Variants in SLFN5 observed in about 807,000 individuals in gnomAD.
SLFN5 encodes the protein schlafen family member 5.
In SLFN5, 34 loss-of-function variants were observed where a neutral mutation model predicts 48.5. That is an observed-to-expected ratio of 0.70 (90% CI 0.53 to 0.93). The LOEUF (loss-of-function observed/expected upper bound fraction) is 0.93. Ranked by LOEUF, SLFN5 falls within the 40% of genes least tolerant of loss-of-function variation. SLFN5 has a pLI of 0.00. For missense variants in SLFN5, 1,006 were observed against 1,071.3 expected, an observed-to-expected ratio of 0.94 and a Z score of 0.85; for synonymous variants, 387 against 396.2, an observed-to-expected ratio of 0.98 and a Z score of 0.28.
At position 35,259,884 on chromosome 17, in the gene SLFN5, T is replaced by C. The variant is rs1299527772; in HGVS notation, c.1012+182T>C. 8 of 710,748 alleles carry C rather than the reference T, an allele frequency of 1.1e-5. No homozygotes were observed. The East Asian group carries it at 2.2e-4, about 20-fold the overall frequency. 44.0% of individuals were successfully genotyped at this position (710,748 alleles called of 1,614,324 possible). A position where few individuals can be genotyped will look rare whatever the true frequency, so the allele number is the denominator to read the frequency against. ...TTCGTGGATTATTGCCCTTCCTTTC[T>C]TCTGCCATCTTAAATAGTCTTCATT... is the stretch of plus-strand genomic sequence containing the variant. On this transcript the variant is annotated intron_variant, in intron 2 of 4. Transcript: ENST00000299977.
At chr17:35,252,217 G>T (rs2092444066) in intron 1 of SLFN5, among the ~76,000 whole-genome samples, 1 of 152,016 alleles carries the variant, frequency 6.6e-6, no homozygotes, top group Non-Finnish European at 1.5e-5. Flanking sequence ...ATTGCTTGAG[G>T]TTATGAGTTT....
Position 35,265,916 on chromosome 17 carries a change from A to G in SLFN5, c.*28A>G. On this transcript the variant is annotated 3_prime_UTR_variant, in exon 5 of 5. Transcript: ENST00000299977. Reference sequence around the variant, plus strand: ...GGAAACCCAAGCCTAAGAAACAATTAAGTGGTTCTCATCTCTAATTAACTG... The same window carrying G: ...GGAAACCCAAGCCTAAGAAACAATTGAGTGGTTCTCATCTCTAATTAACTG... 1 of 1,547,200 alleles carries G rather than the reference A, an allele frequency of 6.5e-7. No homozygotes were observed. The highest frequency in any genetic ancestry group is 1.3e-5 in the South Asian group (1 of 79,854).
In SLFN5 at chr17:35,272,299, G is replaced by A. The variant is rs542742299; in HGVS notation, c.*6411G>A. The A allele has an allele frequency of 6.6e-5, 10 of 152,124 alleles. No individual in the cohort carries two copies. The highest frequency in any genetic ancestry group is 1.5e-4 in the Non-Finnish European group (10 of 68,006). The allele number at this position is 152,124 out of a possible 1,614,324, so 9.4% of individuals were successfully genotyped here. ...TTATATGTTAAATTCAAGTTAATTG[G>A]GGAAAGATGGATTATTCAATATATG... On this transcript the variant is annotated 3_prime_UTR_variant, in exon 5 of 5. Coordinates refer to ENST00000299977, the MANE Select transcript of SLFN5 (RefSeq NM_144975.4).
At chr17:35,253,696 T>G (rs1377879926) in intron 1 of SLFN5, among the ~76,000 whole-genome samples, 5 of 57,750 alleles carry the variant, frequency 8.7e-5, no homozygotes, top group East Asian at 7.7e-4. Context: ...AACAGTTTTT[T>G]TTTTTTTTTT....
rs757103306 is a variant in SLFN5, at chr17:35,264,498, C to A, written c.1454C>A (p.Thr485Asn). The change falls in exon 4 of 5, where the codon ACT becomes AAT. Residue 485 changes from threonine to asparagine, a missense_variant. Coordinates refer to ENST00000299977, the MANE Select transcript of SLFN5 (RefSeq NM_144975.4). ...AAGCTGGTGAACAAAGGCGGCTACA[C>A]TGGGAGGTTATGCATCACCCCCTTG... ...KQKLVNKGGY[T>N]GRLCITPLVC... 1.4e-5 allele frequency: 23 copies of A among 1,614,112 alleles called. No homozygotes were observed. The highest frequency in any genetic ancestry group is 1.9e-5 in the Non-Finnish European group (23 of 1,179,978).
In SLFN5 at chr17:35,267,687, T is replaced by A. The variant is rs1188923155; in HGVS notation, c.*1799T>A. On this transcript the variant is annotated 3_prime_UTR_variant, in exon 5 of 5. Transcript: ENST00000299977. ...GTGAGCTATGATCATACCAGTGCAC[T>A]CCAGTCTGGGTGACAGAACAAGACC... is the stretch of plus-strand genomic sequence containing the variant. 1 of 151,812 alleles carries A rather than the reference T, an allele frequency of 6.6e-6. No individual in the cohort carries two copies. Among genetic ancestry groups the A allele is most frequent in the African/African-American group, 2.4e-5 (1 of 41,276 alleles). The allele number at this position is 151,812 out of a possible 1,614,324, so 9.4% of individuals were successfully genotyped here. A position where few individuals can be genotyped will look rare whatever the true frequency, so the allele number is the denominator to read the frequency against.
chr17:35,260,060 T>C (rs1904476291), intron 2 of SLFN5, among the ~76,000 whole-genome samples: 1 of 152,234 alleles, frequency 6.6e-6, no homozygotes, highest in Non-Finnish European at 1.5e-5. Flanking sequence ...AGGAAATTTC[T>C]TTTTTTCACA....
At chr17:35,246,905 G>GTT (rs1297968970) in intron 1 of SLFN5, among the ~76,000 whole-genome samples, 1 of 152,028 alleles carries the variant, frequency 6.6e-6, no homozygotes, top group Non-Finnish European at 1.5e-5. Flanking sequence ...TGTAAGAAAT[G>GTT]TTTGCCTAAC....
At position 35,265,396 on chromosome 17, in the gene SLFN5, A is replaced by C. The variant is rs752244245; in HGVS notation, c.2184A>C (p.Glu728Asp). 6 of 1,614,132 alleles carry C rather than the reference A, an allele frequency of 3.7e-6. No homozygotes were observed. Among genetic ancestry groups the C allele is most frequent in the Non-Finnish European group, 5.1e-6 (6 of 1,180,058 alleles). Residue 728 changes from glutamate to aspartate, a missense_variant, in exon 5 of 5, where the codon GAA (glutamate) becomes GAC (aspartate). Coordinates refer to ENST00000299977, the MANE Select transcript of SLFN5 (RefSeq NM_144975.4). ...ATTACCTACAACAAGTAATGCAGGA[A>C]GCCCGACAAAATCCTCCACCTAACC... ...IANYLQQVMQ[E>D]ARQNPPPNLP...
At chr17:35,243,701 C>G (rs1010993176) in intron 1 of SLFN5, among the ~76,000 whole-genome samples, 1 of 152,158 alleles carries the variant, frequency 6.6e-6, no homozygotes, top group African/African-American at 2.4e-5. Context: ...CTAACTAGAG[C>G]CCTAGTTGGT....
rs1265020851 is a variant in SLFN5, at chr17:35,259,905, T to G, written c.1012+203T>G. 1.8e-5 allele frequency: 11 copies of G among 626,396 alleles called. No individual in the cohort carries two copies. In the East Asian group the frequency reaches 2.0e-4, roughly 12 times the overall value. The allele number at this position is 626,396 out of a possible 1,614,324, so 38.8% of individuals were successfully genotyped here. On this transcript the variant is annotated intron_variant, in intron 2 of 4. Transcript: ENST00000299977. ...TTTCTTCTGCCATCTTAAATAGTCT[T>G]CATTCAACAGATGCCCTGGCTAGTA... is the stretch of plus-strand genomic sequence containing the variant.
rs979088924 is a variant in SLFN5, at chr17:35,269,563, G to A, written c.*3675G>A. On this transcript the variant is annotated 3_prime_UTR_variant, in exon 5 of 5. Transcript: ENST00000299977. ...AATAAAATGACAAGCTGACCAAATA[G>A]GCCTTAGAAGGGAGAGGTGCCTGGG... is the stretch of plus-strand genomic sequence containing the variant. 1 of 152,158 alleles carries A rather than the reference G, an allele frequency of 6.6e-6. No homozygotes were observed. Among genetic ancestry groups the A allele is most frequent in the Admixed American group, 6.5e-5 (1 of 15,276 alleles). 9.4% of individuals were successfully genotyped at this position (152,158 alleles called of 1,614,324 possible).
chr17:35,270,824 G>A lies in SLFN5; in HGVS notation c.*4936G>A, dbSNP rs555425083. 6.6e-6 allele frequency: 1 copy of A among 152,200 alleles called. No homozygotes were observed. The highest frequency in any genetic ancestry group is 2.1e-4 in the South Asian group (1 of 4,826). The allele number at this position is 152,200 out of a possible 1,614,324, so 9.4% of individuals were successfully genotyped here. A position where few individuals can be genotyped will look rare whatever the true frequency, so the allele number is the denominator to read the frequency against. On this transcript the variant is annotated 3_prime_UTR_variant, in exon 5 of 5. Coordinates refer to ENST00000299977, the MANE Select transcript of SLFN5 (RefSeq NM_144975.4). ...GTTGTCAGTTGTGACAACCAAAAAT[G>A]TCTCCAGACATCGCCAAATGTCCCT... is the stretch of plus-strand genomic sequence containing the variant.
chr17:35,251,703 CT>C (rs34854448), intron 1 of SLFN5, among the ~76,000 whole-genome samples: 6,430 of 84,802 alleles, frequency 0.076, 295 homozygotes, highest in South Asian at 0.14. Context: ...GGCGCCCGGA[CT>C]TTTTTTTTTT....
At chr17:35,257,565 A>G (rs1324881871) in intron 1 of SLFN5, among the ~76,000 whole-genome samples, 1 of 147,340 alleles carries the variant, frequency 6.8e-6, no homozygotes, top group Non-Finnish European at 1.5e-5. Context: ...TTTTTTTTGC[A>G]CTAGTGCTTG....
intron 3 of SLFN5, among the ~76,000 whole-genome samples, chr17:35,263,272 A>G (rs772995270): frequency 1.3e-5 from 2 of 152,012 alleles, no homozygotes; most frequent in African/African-American, 2.4e-5. Flanking sequence ...GTGGGATTAC[A>G]GGCACGCACC....
At chr17:35,253,160 A>G (rs150846203) in intron 1 of SLFN5, among the ~76,000 whole-genome samples, 15 of 152,004 alleles carry the variant, frequency 9.9e-5, no homozygotes, top group African/African-American at 3.6e-4. Context: ...GCGGGGGTGT[A>G]TATGCTCCCT....
At chr17:35,253,168 C>T (rs1182111573) in intron 1 of SLFN5, among the ~76,000 whole-genome samples, 1 of 151,852 alleles carries the variant, frequency 6.6e-6, no homozygotes, top group Non-Finnish European at 1.5e-5. Flanking sequence ...GTATATGCTC[C>T]CTTGGACCTC....
chr17:35,244,176 G>GA (rs2092425515), intron 1 of SLFN5, among the ~76,000 whole-genome samples: 1 of 152,074 alleles, frequency 6.6e-6, no homozygotes, highest in African/African-American at 2.4e-5. Flanking sequence ...TATATTGCTA[G>GA]AAAAAGGAAT....
Sources: gnomAD v4.1 joint callset for allele counts (sites outside exome capture counted in the v4.1 genomes callset) on GRCh38, gnomAD v4.1.1 for gene constraint, MANE v1.5 for transcripts, NCBI Gene and HGNC (gene_info 2026-07-23, HGNC 2026-07-21) for gene names.